Variants in RIOX2 observed in about 807,000 individuals in gnomAD.
RIOX2 encodes the protein ribosomal oxygenase 2.
Under a neutral mutation model 51.2 loss-of-function variants are expected in RIOX2, and 43 were observed. The observed-to-expected ratio is 0.84, with a 90% CI of 0.66 to 1.08. The LOEUF (loss-of-function observed/expected upper bound fraction) is 1.08. Ranked by LOEUF, RIOX2 falls within the 50% of genes least tolerant of loss-of-function variation. RIOX2 has a pLI of 0.00. For synonymous variants in RIOX2, 226 were observed against 218.5 expected (o/e 1.03, Z -0.30); for missense variants, 566 against 561.7 (o/e 1.01, Z -0.08).
chr3:97,957,217 G>A (rs765408779), intron 4 of RIOX2, among the ~76,000 whole-genome samples: 3 of 151,420 alleles, frequency 2.0e-5, no homozygotes, highest in Non-Finnish European at 4.4e-5. Flanking sequence ...CTCAAATGTG[G>A]GCCAGGCGCA....
intron 4 of RIOX2, among the ~76,000 whole-genome samples, chr3:97,956,063 A>G (rs1490480309): frequency 6.6e-6 from 1 of 152,218 alleles, no homozygotes; most frequent in Non-Finnish European, 1.5e-5. Context: ...ACACTTTTAT[A>G]TGACTAGCAA....
Position 97,961,720 on chromosome 3 carries a change from AG to A in RIOX2, c.433-13del, listed in dbSNP as rs745602510. Reference sequence around the variant, plus strand: ...CTCCAAAGCTCATCCTTTACAAAAAAGGAAAAAAGAAAGGGTCGGCGTGGGG... The same window carrying A: ...CTCCAAAGCTCATCCTTTACAAAAAAGAAAAAAGAAAGGGTCGGCGTGGGG... On this transcript the variant is annotated splice_polypyrimidine_tract_variant and intron_variant, in intron 2 of 9. Coordinates refer to ENST00000394198, the MANE Select transcript of RIOX2 (RefSeq NM_153182.4). 1.9e-6 allele frequency: 3 copies of A among 1,579,404 alleles called. No individual in the cohort carries two copies. In the South Asian group the frequency reaches 3.5e-5, roughly 19 times the overall value.
Position 97,962,373 on chromosome 3 carries a change from C to G in RIOX2, c.433-665G>C, listed in dbSNP as rs907690995. 4.2e-5 allele frequency among the ~76,000 whole-genome samples: 4 copies of G among 94,362 alleles called. No homozygotes were observed. The East Asian group carries it at 8.5e-4, about 20-fold the overall frequency. 61.9% of individuals were successfully genotyped at this position (94,362 alleles called of 152,430 possible). On this transcript the variant is annotated intron_variant, in intron 2 of 9. Transcript: ENST00000394198. ...ATGCTAAGACCCCCCCCCCCCCCCC[C>G]ACATGGAGATGTCTTTAAGTCGGTC...
rs775298084 is a variant in RIOX2, at chr3:97,943,298, A to T, written c.*1886T>A. 6.4e-7 allele frequency: 1 copy of T among 1,569,660 alleles called. No homozygotes were observed. The highest frequency in any genetic ancestry group is 1.1e-5 in the South Asian group (1 of 89,674). On this transcript the variant is annotated 3_prime_UTR_variant, in exon 10 of 10. Coordinates refer to ENST00000394198, the MANE Select transcript of RIOX2 (RefSeq NM_153182.4). Reference sequence around the variant, plus strand: ...GAGGGAGAAGAAACACAGAAATGGGACATTGAAATATTGTGAGAGAATCAA... The same window carrying T: ...GAGGGAGAAGAAACACAGAAATGGGTCATTGAAATATTGTGAGAGAATCAA...
rs186031045 is a variant in RIOX2, at chr3:97,959,239, G to A, written c.553-60C>T. ...CTTCCTGACAACTCACACACAAAGT[G>A]CTTCCGGACTATTAGCCCTCTAAGG... On this transcript the variant is annotated intron_variant, in intron 3 of 9. Transcript: ENST00000394198. 6.5e-3 allele frequency: 10,060 copies of A among 1,555,768 alleles called. 46 individuals are homozygous for A. The highest frequency in any genetic ancestry group is 7.7e-3 in the Non-Finnish European group (8,902 of 1,151,290).
At chr3:97,968,712 A>G (rs1296418728) in intron 1 of RIOX2, among the ~76,000 whole-genome samples, 1 of 152,210 alleles carries the variant, frequency 6.6e-6, no homozygotes, top group Admixed American at 6.5e-5. Flanking sequence ...AGACTGCAAA[A>G]TTCTATCTTA....
At chr3:97,971,187 G>A (rs1706116603) in intron 1 of RIOX2, among the ~76,000 whole-genome samples, 1 of 152,206 alleles carries the variant, frequency 6.6e-6, no homozygotes, top group African/African-American at 2.4e-5. Context: ...ACTAAATCGG[G>A]GAGGGAAGTA....
chr3:97,964,394 C>A (rs1344266286), intron 2 of RIOX2, among the ~76,000 whole-genome samples: 1 of 151,972 alleles, frequency 6.6e-6, no homozygotes, highest in Non-Finnish European at 1.5e-5. Flanking sequence ...TTTCCACATA[C>A]AAAATGGAGT....
rs1039548409 is a variant in RIOX2, at chr3:97,945,046, C to T, written c.*138G>A. ...GTTAGTACATTTGGCCAACTGACCA[C>T]CTGTAACAGGGAGGTCTCATGTTTG... is the stretch of plus-strand genomic sequence containing the variant. On this transcript the variant is annotated 3_prime_UTR_variant, in exon 10 of 10. Coordinates refer to ENST00000394198, the MANE Select transcript of RIOX2 (RefSeq NM_153182.4). 28 of 676,874 alleles carry T rather than the reference C, an allele frequency of 4.1e-5. No individual in the cohort carries two copies. Among genetic ancestry groups the T allele is most frequent in the Non-Finnish European group, 6.3e-5 (27 of 428,566 alleles). The allele number at this position is 676,874 out of a possible 1,614,324, so 41.9% of individuals were successfully genotyped here.
At position 97,961,668 on chromosome 3, in the gene RIOX2, A is replaced by G; in HGVS notation, c.473T>C (p.Phe158Ser). ...WRIQEKLECY[F>S]GSLVGSNVYI... ...CACATTCGAGCCAACCAAGGAGCCA[A>G]AGTAACATTCCAGCTTCTCCTGGAT... Residue 158 changes from phenylalanine (F) to serine (S), a missense_variant, in exon 3 of 10, where the codon TTT (phenylalanine) becomes TCT (serine). Transcript: ENST00000394198. 6.2e-7 allele frequency: 1 copy of G among 1,612,390 alleles called. No homozygotes were observed. The highest frequency in any genetic ancestry group is 8.5e-7 in the Non-Finnish European group (1 of 1,179,528).
Position 97,945,818 on chromosome 3 carries a change from C to T in RIOX2, c.1219G>A (p.Gly407Arg). The part of the protein sequence containing the change: ...LKNSRETHMM[G>R]NEEETEFHGL... ...CAAACCTCTGTTTCCTCCTCATTTCCCATCATGTGTGTCTCTCTACTATTC... is the reference window on the plus strand; with the variant it reads ...CAAACCTCTGTTTCCTCCTCATTTCTCATCATGTGTGTCTCTCTACTATTC... The change falls in exon 9 of 10, where the codon GGA becomes AGA. Residue 407 changes from glycine (G) to arginine (R), a missense_variant. Gly to Arg is a moderately radical substitution (Grantham distance 125, BLOSUM62 -2). Coordinates refer to ENST00000394198, the MANE Select transcript of RIOX2 (RefSeq NM_153182.4). 1 of 1,610,394 alleles carries T rather than the reference C, an allele frequency of 6.2e-7. No individual in the cohort carries two copies. The highest frequency in any genetic ancestry group is 8.5e-7 in the Non-Finnish European group (1 of 1,177,210).
chr3:97,943,456 A>T lies in RIOX2; in HGVS notation c.*1728T>A. 4.8e-6 allele frequency: 3 copies of T among 625,400 alleles called. No individual in the cohort carries two copies. The highest frequency in any genetic ancestry group is 8.4e-6 in the Non-Finnish European group (3 of 357,274). The allele number at this position is 625,400 out of a possible 1,614,324, so 38.7% of individuals were successfully genotyped here. A position where few individuals can be genotyped will look rare whatever the true frequency, so the allele number is the denominator to read the frequency against. On this transcript the variant is annotated 3_prime_UTR_variant, in exon 10 of 10. Coordinates refer to ENST00000394198, the MANE Select transcript of RIOX2 (RefSeq NM_153182.4). ...GAATGAACATTTTCTCCAGCCTCTGAGACTATCGCTCTTAACCATGGAAAA... is the reference window on the plus strand; with the variant it reads ...GAATGAACATTTTCTCCAGCCTCTGTGACTATCGCTCTTAACCATGGAAAA...
chr3:97,942,589 T>C lies in RIOX2; in HGVS notation c.*2595A>G. ...GCTTGAAGAAAATTAAGATAGGCAG[T>C]TTTACAAACAAAACAATTAGCAGAA... On this transcript the variant is annotated 3_prime_UTR_variant, in exon 10 of 10. Coordinates refer to ENST00000394198, the MANE Select transcript of RIOX2 (RefSeq NM_153182.4). The C allele has an allele frequency of 1.3e-6, 1 of 744,902 alleles. No homozygotes were observed. The highest frequency in any genetic ancestry group is 2.1e-6 in the Non-Finnish European group (1 of 482,458). 46.1% of individuals were successfully genotyped at this position (744,902 alleles called of 1,614,324 possible).
chr3:97,954,082 G>T, intron 5 of RIOX2: 1 of 265,134 alleles, frequency 3.8e-6, no homozygotes, highest in Non-Finnish European at 7.3e-6. Context: ...GAGAGTATGA[G>T]CCCAGCCTGG....
In RIOX2 at chr3:97,954,615, T is replaced by G. The variant is rs977171338; in HGVS notation, c.682-120A>C. 6.4e-6 allele frequency: 5 copies of G among 782,544 alleles called. No individual in the cohort carries two copies. In the African/African-American group the frequency reaches 8.6e-5, roughly 13 times the overall value. 48.5% of individuals were successfully genotyped at this position (782,544 alleles called of 1,614,324 possible). A position where few individuals can be genotyped will look rare whatever the true frequency, so the allele number is the denominator to read the frequency against. Reference sequence around the variant, plus strand: ...GTTCTCCATTCTAGAAACCACAACCTCAAGGCACAGTCTATATGCTGGGCT... The same window carrying G: ...GTTCTCCATTCTAGAAACCACAACCGCAAGGCACAGTCTATATGCTGGGCT... On this transcript the variant is annotated intron_variant, in intron 4 of 9. Coordinates refer to ENST00000394198, the MANE Select transcript of RIOX2 (RefSeq NM_153182.4).
At chr3:97,956,687 G>T (rs1202129826) in intron 4 of RIOX2, among the ~76,000 whole-genome samples, 1 of 151,982 alleles carries the variant, frequency 6.6e-6, no homozygotes, top group East Asian at 1.9e-4. Context: ...TAGAGATGGG[G>T]TTTCTACATG....
chr3:97,959,227 C>T, intron 3 of RIOX2, 48 bp from the exon 4 acceptor site: 1 of 1,584,954 alleles, frequency 6.3e-7, no homozygotes, highest in Non-Finnish European at 8.6e-7. Flanking sequence ...CCTGACAACT[C>T]ACACACAAAG....
intron 1 of RIOX2, among the ~76,000 whole-genome samples, chr3:97,969,882 G>A (rs1576022632): frequency 1.3e-5 from 2 of 152,274 alleles, no homozygotes; most frequent in African/African-American, 4.8e-5. Flanking sequence ...AATCAGCCGA[G>A]TCCTCCTAGC....
chr3:97,960,000 CAA>C (rs1306471917), intron 3 of RIOX2, among the ~76,000 whole-genome samples: 2 of 152,138 alleles, frequency 1.3e-5, no homozygotes, highest in Admixed American at 6.5e-5. Context: ...GCCACGAGCT[CAA>C]GTGTGATGCT....
Sources: gnomAD v4.1 joint callset for allele counts (sites outside exome capture counted in the v4.1 genomes callset) on GRCh38, gnomAD v4.1.1 for gene constraint, MANE v1.5 for transcripts, NCBI Gene and HGNC (gene_info 2026-07-23, HGNC 2026-07-21) for gene names.